VPS13B: variants seen among roughly 807,000 people sequenced by gnomAD.
VPS13B encodes the protein vacuolar protein sorting 13 homolog B.
VPS13B carries 285 observed loss-of-function variants against 426.4 expected under a neutral mutation model. The observed-to-expected ratio is 0.67, with a 90% CI of 0.61 to 0.74. VPS13B has a LOEUF of 0.74. Among genes scored for constraint, VPS13B ranks in the 30% least tolerant of loss-of-function variants. VPS13B has a pLI of 0.00. For missense variants in VPS13B, 4,537 were observed against 4,782.6 expected, an observed-to-expected ratio of 0.95 and a Z score of 1.51; for synonymous variants, 1,676 against 1,676.4, an observed-to-expected ratio of 1.00 and a Z score of 0.01.
chr8:99,633,636 A>G (rs1247663835), intron 33 of VPS13B, among the ~76,000 whole-genome samples: 3 of 152,060 alleles, frequency 2.0e-5, no homozygotes, highest in East Asian at 1.9e-4. Context: ...TGGTTTCCAC[A>G]TTGACATCAG....
intron 19 of VPS13B, among the ~76,000 whole-genome samples, chr8:99,308,751 G>T (rs577227447): frequency 4.6e-5 from 7 of 152,124 alleles, no homozygotes; most frequent in Non-Finnish European, 7.4e-5. Flanking sequence ...CTGAGGAATC[G>T]CCACACTGTC....
intron 43 of VPS13B, among the ~76,000 whole-genome samples, chr8:99,802,480 G>C (rs1166108437): frequency 6.6e-6 from 1 of 152,088 alleles, no homozygotes; most frequent in Non-Finnish European, 1.5e-5. Flanking sequence ...ATTTTTGTCT[G>C]ATTGCCAAAT....
At chr8:99,703,101 A>G (rs1234958546) in intron 36 of VPS13B, among the ~76,000 whole-genome samples, 5 of 152,214 alleles carry the variant, frequency 3.3e-5, no homozygotes, top group Admixed American at 6.5e-5. Flanking sequence ...CATTCCGAAT[A>G]CATTTAAATC....
Position 99,381,265 on chromosome 8 carries a change from A to G in VPS13B, c.2825-2943A>G, listed in dbSNP as rs574993797. On this transcript the variant is annotated intron_variant, in intron 19 of 61. Coordinates refer to ENST00000357162, the MANE Select transcript of VPS13B (RefSeq NM_152564.5). ...CTTTTTTATGGCTGCATAGTATTCC[A>G]TTGTGTATATGTAACACATTTCCAT... Among the ~76,000 whole-genome samples the G allele has an allele frequency of 2.0e-5, 3 of 152,280 alleles. No homozygotes were observed. The East Asian group carries it at 5.8e-4, about 29-fold the overall frequency.
chr8:99,171,022 CTT>C (rs1410850989), intron 16 of VPS13B, among the ~76,000 whole-genome samples: 1 of 151,500 alleles, frequency 6.6e-6, no homozygotes, highest in Non-Finnish European at 1.5e-5. Flanking sequence ...TAATATATAA[CTT>C]TTAAAATGAA....
At chr8:99,185,648 G>A (rs1354387945) in intron 16 of VPS13B, among the ~76,000 whole-genome samples, 2 of 152,132 alleles carry the variant, frequency 1.3e-5, no homozygotes, top group Non-Finnish European at 2.9e-5. Flanking sequence ...TCTTTCAATT[G>A]CTATGAGGTG....
intron 55 of VPS13B, among the ~76,000 whole-genome samples, chr8:99,849,730 TCAAAGTAAAAATG>T (rs1174024048): frequency 6.6e-6 from 1 of 152,090 alleles, no homozygotes; most frequent in African/African-American, 2.4e-5. Flanking sequence ...GGCAAAATAT[TCAAAGTAAAAATG>T]CCCATCCATA....
chr8:99,835,306 A>G lies in VPS13B; in HGVS notation c.9724A>G (p.Ile3242Val). The change falls in exon 53 of 62, where the codon ATA becomes GTA. Residue 3242 changes from isoleucine (I) to valine (V), a missense_variant. Physicochemically the swap from Ile to Val is conservative, Grantham distance 29. This residue lies in a region of VPS13B where 4,311 missense variants were observed against 4,474.3 expected (regional missense o/e 0.96). Transcript: ENST00000357162. ...IHNRCPVKML[I>V]KENIKDIPKF... ...CAATAGATGTCCAGTAAAAATGCTT[A>G]TAAAGGAAAACATTAAAGGTATGTT... 1 of 1,611,766 alleles carries G rather than the reference A, an allele frequency of 6.2e-7. No individual in the cohort carries two copies. Among genetic ancestry groups the G allele is most frequent in the Non-Finnish European group, 8.5e-7 (1 of 1,177,906 alleles).
At chr8:99,236,582 C>G (rs1816665586) in intron 17 of VPS13B, among the ~76,000 whole-genome samples, 1 of 152,126 alleles carries the variant, frequency 6.6e-6, no homozygotes, top group Non-Finnish European at 1.5e-5. Flanking sequence ...TCTCTAAGCT[C>G]TCTTCTTAAT....
chr8:99,552,773 C>T (rs1476887254), intron 30 of VPS13B, among the ~76,000 whole-genome samples: 2 of 152,050 alleles, frequency 1.3e-5, no homozygotes, highest in Non-Finnish European at 2.9e-5. Context: ...TCAATGGAAA[C>T]GTCTTGTATA....
intron 39 of VPS13B, among the ~76,000 whole-genome samples, chr8:99,751,814 A>G (rs982633429): frequency 1.3e-5 from 2 of 152,208 alleles, no homozygotes. Context: ...GAGATGAAAC[A>G]TAGTTCTTTA....
chr8:99,233,131 C>T (rs1251856712), intron 17 of VPS13B: 22 of 1,343,122 alleles, frequency 1.6e-5, no homozygotes, highest in East Asian at 1.1e-4. Context: ...CCTGATACTG[C>T]GCTGTGCAGT....
intron 43 of VPS13B, among the ~76,000 whole-genome samples, chr8:99,805,728 A>G (rs1813364502): frequency 6.6e-6 from 1 of 152,220 alleles, no homozygotes; most frequent in African/African-American, 2.4e-5. Flanking sequence ...GGGACCTTCC[A>G]TCGAGTGTGG....
At chr8:99,207,505 TG>T (rs1175456018) in intron 17 of VPS13B, among the ~76,000 whole-genome samples, 4 of 152,186 alleles carry the variant, frequency 2.6e-5, no homozygotes, top group Non-Finnish European at 5.9e-5. Context: ...ATATATAAAG[TG>T]TAAGTGTACA....
chr8:99,647,573 T>TAA (rs111538532), intron 34 of VPS13B, among the ~76,000 whole-genome samples: 11 of 111,804 alleles, frequency 9.8e-5, no homozygotes, highest in African/African-American at 2.0e-4. Flanking sequence ...AGCAAGACTG[T>TAA]AAAAAAAAAA....
intron 30 of VPS13B, among the ~76,000 whole-genome samples, chr8:99,546,933 T>G (rs775464111): frequency 6.6e-6 from 1 of 152,096 alleles, no homozygotes; most frequent in Non-Finnish European, 1.5e-5. Context: ...TATTTTTCTA[T>G]GATTTTTTCT....
At chr8:99,763,084 T>C (rs548422019) in intron 39 of VPS13B, among the ~76,000 whole-genome samples, 1 of 136,352 alleles carries the variant, frequency 7.3e-6, no homozygotes, top group South Asian at 2.2e-4. Context: ...TTCAGTGAGC[T>C]GTGATCACAC....
chr8:99,559,811 C>T (rs958686828), intron 31 of VPS13B, among the ~76,000 whole-genome samples: 26 of 152,172 alleles, frequency 1.7e-4, no homozygotes, highest in Non-Finnish European at 3.1e-4. Context: ...TTACTGTAGC[C>T]GTGTAGTATA....
At chr8:99,819,844 G>T in intron 48 of VPS13B, 77 bp from the exon 49 acceptor site, 1 of 1,552,126 alleles carries the variant, frequency 6.4e-7, no homozygotes, top group Non-Finnish European at 8.9e-7. Context: ...TGGTGTGTTT[G>T]GAATCTTTAA....
Sources: gnomAD v4.1 joint callset for allele counts (sites outside exome capture counted in the v4.1 genomes callset) on GRCh38, gnomAD v4.1.1 for gene constraint, gnomAD v4.1.1 regional missense constraint, MANE v1.5 for transcripts, NCBI Gene and HGNC (gene_info 2026-07-23, HGNC 2026-07-21) for gene names.